The following ZFAND3 variants were observed in gnomAD, a reference collection of about 807,000 sequenced individuals.
The protein encoded by ZFAND3 is zinc finger AN1-type containing 3.
ZFAND3 carries 10 observed loss-of-function variants against 29.6 expected under a neutral mutation model. That is an observed-to-expected ratio of 0.34 (90% confidence interval 0.21 to 0.57). The LOEUF is 0.57. ZFAND3 is among the 20% of genes least tolerant of loss of function. The pLI is 0.86. For missense variants in ZFAND3, 230 were observed against 304.5 expected, an observed-to-expected ratio of 0.76 and a Z score of 1.82; for synonymous variants, 128 against 112.6, an observed-to-expected ratio of 1.14 and a Z score of -0.87.
At chr6:38,022,591 C>T (rs951311521) in intron 2 of ZFAND3, among the ~76,000 whole-genome samples, 2 of 152,194 alleles carry the variant, frequency 1.3e-5, no homozygotes, top group African/African-American at 4.8e-5. Flanking sequence ...GTCCTCTTCC[C>T]ACTCCATTTT....
intron 2 of ZFAND3, among the ~76,000 whole-genome samples, chr6:38,043,149 A>G (rs1763823970): frequency 6.6e-6 from 1 of 152,122 alleles, no homozygotes; most frequent in Non-Finnish European, 1.5e-5. Context: ...TACTGTGTGT[A>G]GTGCATGCTG....
intron 2 of ZFAND3, among the ~76,000 whole-genome samples, chr6:37,980,865 A>C (rs1338151327): frequency 6.6e-6 from 1 of 152,040 alleles, no homozygotes; most frequent in African/African-American, 2.4e-5. Context: ...AACATAAAGG[A>C]AAAAAGCCTT....
chr6:38,049,010 T>A (rs1254638666), intron 2 of ZFAND3, among the ~76,000 whole-genome samples: 1 of 152,252 alleles, frequency 6.6e-6, no homozygotes, highest in Admixed American at 6.5e-5. Context: ...TGGAGGTTTT[T>A]ATTTTTTTTA....
At position 38,038,149 on chromosome 6, in the gene ZFAND3, G is replaced by A. The variant is rs115718822; in HGVS notation, c.113-23444G>A. Among the ~76,000 whole-genome samples, 554 of 152,270 alleles carry A rather than the reference G, an allele frequency of 3.6e-3. 3 individuals are homozygous for A. Among genetic ancestry groups the A allele is most frequent in the Middle Eastern group, 0.014 (4 of 294 alleles). On this transcript the variant is annotated intron_variant, in intron 2 of 5. Transcript: ENST00000287218. ...TCAAGGATTAATCAGCTGGCCCGAGGCCTCTAGTCTTTCACATCTTCTCCT... is the reference window on the plus strand; with the variant it reads ...TCAAGGATTAATCAGCTGGCCCGAGACCTCTAGTCTTTCACATCTTCTCCT...
intron 1 of ZFAND3, among the ~76,000 whole-genome samples, chr6:37,895,459 C>CTTTTTTTTTTTTTTTTTTTTTTT (rs11331881): frequency 1.3e-5 from 1 of 76,772 alleles, no homozygotes; most frequent in Non-Finnish European, 2.4e-5. Flanking sequence ...CTCAGAGGTT[C>CTTTTTTTTTTTTTTTTTTTTTTT]TTTTTTTTTT....
At chr6:37,821,758 A>G (rs760997306) in intron 1 of ZFAND3, among the ~76,000 whole-genome samples, 5 of 152,236 alleles carry the variant, frequency 3.3e-5, no homozygotes, top group Non-Finnish European at 7.3e-5. Context: ...TCGGACTGTT[A>G]CCATGAATGG....
chr6:37,949,685 A>G (rs1761963837), intron 2 of ZFAND3, among the ~76,000 whole-genome samples: 1 of 152,162 alleles, frequency 6.6e-6, no homozygotes, highest in Non-Finnish European at 1.5e-5. Context: ...CACGTTTACT[A>G]AGAAGGATAT....
At chr6:38,141,250 C>G (rs572622799) in intron 5 of ZFAND3, among the ~76,000 whole-genome samples, 2 of 152,342 alleles carry the variant, frequency 1.3e-5, no homozygotes, top group East Asian at 3.9e-4. Flanking sequence ...ACAGCCCATT[C>G]CTTTCTCCTG....
chr6:37,987,674 C>G (rs1762693370), intron 2 of ZFAND3, among the ~76,000 whole-genome samples: 1 of 152,182 alleles, frequency 6.6e-6, no homozygotes, highest in Admixed American at 6.5e-5. Flanking sequence ...CACTGCTGTT[C>G]TGCCACAGAA....
rs911321382 is a variant in ZFAND3 at position 37,883,819 on chromosome 6, C to T, written c.72-46140C>T. On this transcript the variant is annotated intron_variant, in intron 1 of 5. Transcript: ENST00000287218. ...CCTCCCAAAGTGCTGGGATTACAGG[C>T]GTGAGCCGCCGTGCCCGGCTTGATG... 5.5e-5 allele frequency among the ~76,000 whole-genome samples: 8 copies of T among 145,606 alleles called. 1 individual carries two copies. The highest frequency in any genetic ancestry group is 2.0e-4 in the Admixed American group (3 of 14,950).
At chr6:38,091,172 G>A (rs940577922) in intron 4 of ZFAND3, among the ~76,000 whole-genome samples, 6 of 152,310 alleles carry the variant, frequency 3.9e-5, no homozygotes, top group Non-Finnish European at 8.8e-5. Context: ...GCGTCATGTG[G>A]CTTGTTGCTC....
intron 2 of ZFAND3, among the ~76,000 whole-genome samples, chr6:38,000,010 C>T (rs972604545): frequency 2.0e-5 from 3 of 151,880 alleles, no homozygotes; most frequent in Non-Finnish European, 4.4e-5. Context: ...TTTATAGATT[C>T]CATTGATTAG....
intron 1 of ZFAND3, among the ~76,000 whole-genome samples, chr6:37,919,823 C>T (rs752510244): frequency 2.0e-5 from 3 of 152,138 alleles, no homozygotes; most frequent in Non-Finnish European, 2.9e-5. Flanking sequence ...GTTGTTGTAA[C>T]CATGACAAAG....
At chr6:37,988,909 A>C (rs1248615229) in intron 2 of ZFAND3, among the ~76,000 whole-genome samples, 2 of 151,462 alleles carry the variant, frequency 1.3e-5, no homozygotes, top group African/African-American at 4.9e-5. Context: ...TATTTAGCTG[A>C]ATTTTTTTTT....
Position 38,083,444 on chromosome 6 carries a change from A to G in ZFAND3, c.361+987A>G, listed in dbSNP as rs146043954. Among the ~76,000 whole-genome samples, 37 of 152,176 alleles carry G rather than the reference A, an allele frequency of 2.4e-4. No individual in the cohort carries two copies. The East Asian group carries it at 6.0e-3, about 25-fold the overall frequency. On this transcript the variant is annotated intron_variant, in intron 4 of 5. Transcript: ENST00000287218. ...CTCTTGTGCCCGGTTCCCAAGCTCCACTAGGTAGAGTAGATTTCTTTTTTT... is the reference window on the plus strand; with the variant it reads ...CTCTTGTGCCCGGTTCCCAAGCTCCGCTAGGTAGAGTAGATTTCTTTTTTT...
intron 1 of ZFAND3, among the ~76,000 whole-genome samples, chr6:37,873,311 GAC>G (rs1051820108): frequency 1.1e-4 from 17 of 152,180 alleles, no homozygotes; most frequent in African/African-American, 3.9e-4. Context: ...AGTTAATGCA[GAC>G]ACAATTAATC....
At chr6:37,929,892 A>T in intron 1 of ZFAND3, 67 bp from the exon 2 acceptor site, 1 of 1,452,672 alleles carries the variant, frequency 6.9e-7, no homozygotes. Context: ...CTGACATCTT[A>T]TGTTTTGATT....
intron 3 of ZFAND3, among the ~76,000 whole-genome samples, chr6:38,079,607 A>G (rs186921154): frequency 1.3e-5 from 2 of 152,318 alleles, no homozygotes; most frequent in South Asian, 2.1e-4. Context: ...CCTTTCTTAT[A>G]TAATTCTACT....
At chr6:38,022,921 G>T (rs1262626897) in intron 2 of ZFAND3, among the ~76,000 whole-genome samples, 3 of 152,160 alleles carry the variant, frequency 2.0e-5, no homozygotes, top group Admixed American at 2.0e-4. Flanking sequence ...CTTGATGACT[G>T]TTTTGTTTTC....
Sources: allele counts gnomAD v4.1 joint callset (sites outside exome capture counted in the v4.1 genomes callset), GRCh38; gene constraint gnomAD v4.1.1; transcripts MANE v1.5; gene names NCBI Gene and HGNC (gene_info 2026-07-23, HGNC 2026-07-21).